The following LPCAT2 variants were observed in gnomAD, a reference collection of about 807,000 sequenced individuals.
LPCAT2 encodes the protein lysophosphatidylcholine acyltransferase 2, also known as 1-AGP acyltransferase 11.
LPCAT2 carries 58 observed loss-of-function variants against 64.7 expected under a neutral mutation model. That is an observed-to-expected ratio of 0.90 (90% CI 0.73 to 1.12). The LOEUF (loss-of-function observed/expected upper bound fraction) is 1.12. Ranked by LOEUF, LPCAT2 falls within the 50% of genes most tolerant of loss-of-function variation. LPCAT2 has a pLI of 0.00. For missense variants in LPCAT2, 579 were observed against 669.8 expected (o/e 0.86, Z 1.50); for synonymous variants, 252 against 245.3 (o/e 1.03, Z -0.26).
chr16:55,521,365 G>A (rs1120207), intron 1 of LPCAT2, among the ~76,000 whole-genome samples: 78,887 of 151,376 alleles, frequency 0.52, 20,761 homozygotes, highest in Admixed American at 0.55. Flanking sequence ...AAAACGTTTC[G>A]CCAAGATTAT....
intron 11 of LPCAT2, among the ~76,000 whole-genome samples, chr16:55,562,110 C>T (rs1417956971): frequency 6.6e-6 from 1 of 151,950 alleles, no homozygotes; most frequent in Non-Finnish European, 1.5e-5. Flanking sequence ...GAGACTCTGC[C>T]ACATAGCAGT....
At chr16:55,565,208 C>G (rs200013461) in intron 11 of LPCAT2, among the ~76,000 whole-genome samples, 2 of 66,540 alleles carry the variant, frequency 3.0e-5, no homozygotes, top group Non-Finnish European at 1.0e-4. Context: ...GAGAAAATAA[C>G]AAGTGTTTGC....
At chr16:55,518,686 G>C (rs1247522239) in intron 1 of LPCAT2, among the ~76,000 whole-genome samples, 1 of 152,188 alleles carries the variant, frequency 6.6e-6, no homozygotes, top group East Asian at 1.9e-4. Flanking sequence ...GGAGAGAGTA[G>C]TTTTTGCAAC....
chr16:55,547,761 A>C (rs1963469820), intron 9 of LPCAT2, among the ~76,000 whole-genome samples: 1 of 152,180 alleles, frequency 6.6e-6, no homozygotes, highest in South Asian at 2.1e-4. Context: ...TTTAGATAGA[A>C]ATTTTTTTTT....
chr16:55,555,026 A>G (rs1471067158), intron 11 of LPCAT2, among the ~76,000 whole-genome samples: 1 of 152,238 alleles, frequency 6.6e-6, no homozygotes, highest in Admixed American at 6.5e-5. Flanking sequence ...ATCACAAATT[A>G]TAGATCACCA....
At position 55,562,584 on chromosome 16, in the gene LPCAT2, T is replaced by A. The variant is rs533607211; in HGVS notation, c.1215+11482T>A. Among the ~76,000 whole-genome samples, 16 of 152,092 alleles carry A rather than the reference T, an allele frequency of 1.1e-4. No homozygotes were observed. The South Asian group carries it at 3.1e-3, about 30-fold the overall frequency. On this transcript the variant is annotated intron_variant, in intron 11 of 13. Coordinates refer to ENST00000262134, the MANE Select transcript of LPCAT2 (RefSeq NM_017839.5). ...TAGATTAGTATTGATAGTAGAAATG[T>A]GAACACAGACTTCATATTATAATTA...
In LPCAT2 at chr16:55,551,086, T is replaced by C; in HGVS notation, c.1199T>C (p.Phe400Ser). ...GTTTCAGATGTCTTGAGACAACTTT[T>C]TGCACTCTTTGACAGGGTATGTTAA... The part of the protein sequence containing the change: ...LPVSDVLRQL[F>S]ALFDRNHDGS... Residue 400 changes from phenylalanine to serine, a missense_variant, in exon 11 of 14, where the codon TTT becomes TCT. Physicochemically the swap from Phe to Ser is radical, Grantham distance 155. Coordinates refer to ENST00000262134, the MANE Select transcript of LPCAT2 (RefSeq NM_017839.5). 1 of 1,612,038 alleles carries C rather than the reference T, an allele frequency of 6.2e-7. No individual in the cohort carries two copies. The highest frequency in any genetic ancestry group is 8.5e-7 in the Non-Finnish European group (1 of 1,178,798).
chr16:55,542,988 C>G (rs752612953), intron 8 of LPCAT2, among the ~76,000 whole-genome samples: 13 of 152,100 alleles, frequency 8.5e-5, no homozygotes, highest in Non-Finnish European at 1.5e-4. Flanking sequence ...CTGTTGGGAA[C>G]CATAAAAGAT....
intron 10 of LPCAT2, among the ~76,000 whole-genome samples, chr16:55,550,637 C>A (rs928220002): frequency 6.6e-6 from 1 of 151,956 alleles, no homozygotes; most frequent in Non-Finnish European, 1.5e-5. Context: ...AAATGCGGGC[C>A]GGGCGTGGTG....
chr16:55,549,366 G>A lies in LPCAT2; in HGVS notation c.1025G>A (p.Gly342Glu). 6.3e-7 allele frequency: 1 copy of A among 1,598,104 alleles called. No homozygotes were observed. The highest frequency in any genetic ancestry group is 8.5e-7 in the Non-Finnish European group (1 of 1,174,922). The change falls in exon 10 of 14, where the codon GGG becomes GAG. Residue 342 changes from glycine to glutamate, a missense_variant. Physicochemically the swap from Gly to Glu is moderately conservative, Grantham distance 98. Transcript: ENST00000262134. ...AGQLTLPMEAGLVEFTKISRK... is the reference protein window; with the variant it reads ...AGQLTLPMEAELVEFTKISRK... The stretch of plus-strand genomic sequence containing the variant: ...CAGCTAACATTGCCTATGGAAGCTG[G>A]GCTGGTGGAATTTACTAAAATTAGC...
At chr16:55,563,303 AAGT>A (rs1354180932) in intron 11 of LPCAT2, among the ~76,000 whole-genome samples, 10 of 152,036 alleles carry the variant, frequency 6.6e-5, no homozygotes, top group African/African-American at 1.9e-4. Flanking sequence ...ACATTGAAAG[AAGT>A]ACTAACACCA....
intron 11 of LPCAT2, among the ~76,000 whole-genome samples, chr16:55,566,403 A>C (rs1162203567): frequency 6.6e-6 from 1 of 152,170 alleles, no homozygotes; most frequent in African/African-American, 2.4e-5. Flanking sequence ...GAAAATGCAC[A>C]TCATTTTTTA....
intron 1 of LPCAT2, among the ~76,000 whole-genome samples, chr16:55,523,460 A>G (rs1470615542): frequency 6.6e-6 from 1 of 151,760 alleles, no homozygotes; most frequent in Non-Finnish European, 1.5e-5. Flanking sequence ...ATGAAAATGT[A>G]TGGTCACACA....
intron 10 of LPCAT2, among the ~76,000 whole-genome samples, chr16:55,549,932 G>A (rs1388790910): frequency 2.0e-5 from 3 of 152,014 alleles, no homozygotes; most frequent in South Asian, 4.1e-4. Flanking sequence ...TTCTTGTTGA[G>A]CTTTTCGCTA....
chr16:55,533,406 G>GTTTTTTTTTTTTTT (rs11335464), intron 6 of LPCAT2, among the ~76,000 whole-genome samples: 9 of 96,452 alleles, frequency 9.3e-5, no homozygotes, highest in East Asian at 2.9e-4. Flanking sequence ...TGTTTTTCGG[G>GTTTTTTTTTTTTTT]TTTTTTTTTT....
intron 11 of LPCAT2, among the ~76,000 whole-genome samples, chr16:55,571,117 A>G (rs1357487255): frequency 6.6e-6 from 1 of 152,214 alleles, no homozygotes; most frequent in African/African-American, 2.4e-5. Context: ...TCAAAACCAT[A>G]TCCTTAAATT....
At chr16:55,526,882 G>A (rs949110987) in intron 2 of LPCAT2, among the ~76,000 whole-genome samples, 8 of 152,154 alleles carry the variant, frequency 5.3e-5, no homozygotes, top group Admixed American at 1.3e-4. Flanking sequence ...TAACGTTGAA[G>A]TTATTATGTG....
rs1428016827 is a variant in LPCAT2, at chr16:55,584,645, A to G, written c.*1547A>G. The G allele has an allele frequency of 2.0e-5, 3 of 152,184 alleles. No individual in the cohort carries two copies. Among genetic ancestry groups the G allele is most frequent in the Non-Finnish European group, 1.5e-5 (1 of 68,018 alleles). 9.4% of individuals were successfully genotyped at this position (152,184 alleles called of 1,614,324 possible). On this transcript the variant is annotated 3_prime_UTR_variant, in exon 14 of 14. Transcript: ENST00000262134. ...TGAATGTATTGGTGATTCACCCCCA[A>G]GCTAATTTTTTAAAGTCATTTTTGA... is the stretch of plus-strand genomic sequence containing the variant.
At chr16:55,579,842 G>T (rs992468334) in intron 13 of LPCAT2, among the ~76,000 whole-genome samples, 1 of 152,190 alleles carries the variant, frequency 6.6e-6, no homozygotes, top group African/African-American at 2.4e-5. Context: ...GTGAGTTAGG[G>T]TCTATCATGG....
Sources: gnomAD v4.1 joint callset for allele counts (sites outside exome capture counted in the v4.1 genomes callset) on GRCh38, gnomAD v4.1.1 for gene constraint, MANE v1.5 for transcripts, NCBI Gene and HGNC (gene_info 2026-07-23, HGNC 2026-07-21) for gene names.